The following SRSF3 variants were observed in gnomAD, a reference collection of about 807,000 sequenced individuals.
The protein encoded by SRSF3 is serine and arginine rich splicing factor 3.
For synonymous variants in SRSF3, 87 were observed against 73.6 expected, an observed-to-expected ratio of 1.18 and a Z score of -0.93; for missense variants, 58 against 217.1, an observed-to-expected ratio of 0.27 and a Z score of 4.61.
At chr6:36,601,219 C>G (rs1189770414) in intron 4 of SRSF3, 29 bp downstream of exon 4, 2 of 1,612,230 alleles carry the variant, frequency 1.2e-6, no homozygotes, top group East Asian at 2.2e-5. Flanking sequence ...TGGCTACGTT[C>G]TTAGAAATGG....
intron 4 of SRSF3, 107 bp from the exon 5 acceptor site, chr6:36,601,601 C>T: frequency 1.8e-6 from 2 of 1,105,744 alleles, no homozygotes; most frequent in South Asian, 1.5e-5. Flanking sequence ...GCCTCTGCCT[C>T]CCAAAATATT....
chr6:36,596,924 A>G lies in SRSF3; in HGVS notation c.162A>G (p.Glu54=). The part of the protein sequence containing the change: ...NPPGFAFVEF[E]DPRDAADAVR... Reference sequence around the variant, plus strand: ...CCGGCTTTGCTTTTGTTGAATTTGAAGATCCCCGAGATGCAGCTGATGCAG... The same window carrying G: ...CCGGCTTTGCTTTTGTTGAATTTGAGGATCCCCGAGATGCAGCTGATGCAG... The change falls in exon 2 of 6, where the codon GAA becomes GAG. Residue 54 remains glutamate (E), a synonymous_variant. Coordinates refer to ENST00000373715, the MANE Select transcript of SRSF3 (RefSeq NM_003017.5). 2.5e-6 allele frequency: 4 copies of G among 1,614,024 alleles called. No individual in the cohort carries two copies. The highest frequency in any genetic ancestry group is 3.4e-6 in the Non-Finnish European group (4 of 1,179,998).
chr6:36,599,997 T>G, intron 3 of SRSF3: 2 of 1,274,904 alleles, frequency 1.6e-6, no homozygotes, highest in Non-Finnish European at 2.0e-6. Context: ...TGCTGTTTTC[T>G]CTCAGCCTTC....
Position 36,598,951 on chromosome 6 carries a change from T to C in SRSF3, c.309T>C (p.Asp103=), listed in dbSNP as rs765531034. The change falls in exon 3 of 6, where the codon GAT becomes GAC. Residue 103 remains aspartate, a synonymous_variant. Transcript: ENST00000373715. ...PPSWGRRPRD[D]YRRRSPPPRR... ...CTTGGGGTCGTCGCCCTCGAGATGA[T>C]TATCGTAGGAGGAGTCCTCCACCTC... 2.5e-6 allele frequency: 4 copies of C among 1,614,032 alleles called. No individual in the cohort carries two copies. Among genetic ancestry groups the C allele is most frequent in the Non-Finnish European group, 3.4e-6 (4 of 1,180,026 alleles).
intron 5 of SRSF3, 42 bp downstream of exon 5, chr6:36,601,836 AGT>A: frequency 6.3e-7 from 1 of 1,598,454 alleles, no homozygotes; most frequent in African/African-American, 1.3e-5. Flanking sequence ...TTGCATACAT[AGT>A]ATGCTAAGGC....
intron 1 of SRSF3, 111 bp from the exon 2 acceptor site, chr6:36,596,650 A>T (rs1364886349): frequency 1.2e-4 from 105 of 884,994 alleles, no homozygotes; most frequent in Admixed American, 7.3e-4. Context: ...TTTTTTCTTT[A>T]CGTGCTACCT....
chr6:36,597,709 G>C (rs1778654051), intron 2 of SRSF3, among the ~76,000 whole-genome samples: 1 of 151,496 alleles, frequency 6.6e-6, no homozygotes, highest in African/African-American at 2.4e-5. Flanking sequence ...TTGTAGTAAA[G>C]TTTTCCAGGG....
chr6:36,603,076 A>ATTTTTT lies in SRSF3; in HGVS notation c.*1096_*1101dup, dbSNP rs530711656. On this transcript the variant is annotated 3_prime_UTR_variant, in exon 6 of 6. Transcript: ENST00000373715. ...ATGTCACCTAAGTGATAGTTAACCC[A>ATTTTTT]TTTTTTTTTTTTTTAGGCATAGAAG... 5.4e-6 allele frequency: 1 copy of ATTTTTT among 185,452 alleles called. No individual in the cohort carries two copies. The highest frequency in any genetic ancestry group is 1.1e-5 in the Non-Finnish European group (1 of 91,646). The allele number at this position is 185,452 out of a possible 1,614,324, so 11.5% of individuals were successfully genotyped here.
chr6:36,601,001 CTTTTTTTTTTTTTTT>C (rs775227806), intron 3 of SRSF3, 136 bp from the exon 4 acceptor site: 30 of 86,468 alleles, frequency 3.5e-4, no homozygotes, highest in African/African-American at 7.9e-4. Context: ...TCTTTTTTTT[CTTTTTTTTTTTTTTT>C]TTTTTTTTTT....
At chr6:36,597,246 C>T (rs1283139828) in intron 2 of SRSF3, 6 of 455,442 alleles carry the variant, frequency 1.3e-5, no homozygotes, top group African/African-American at 6.0e-5. Flanking sequence ...ACTGGGACTA[C>T]AGGCGTGTGC....
At chr6:36,597,682 T>C (rs56900755) in intron 2 of SRSF3, among the ~76,000 whole-genome samples, 4,014 of 152,032 alleles carry the variant, frequency 0.026, 60 homozygotes, top group African/African-American at 0.039. Context: ...CATGAAAGGT[T>C]GGTCAATTCA....
intron 1 of SRSF3, among the ~76,000 whole-genome samples, chr6:36,596,004 C>G (rs991824089): frequency 6.6e-6 from 1 of 152,054 alleles, no homozygotes; most frequent in Non-Finnish European, 1.5e-5. Context: ...GGCTCACTGC[C>G]ACCTCCGCCT....
chr6:36,597,882 C>T (rs1327270056), intron 2 of SRSF3, among the ~76,000 whole-genome samples: 2 of 146,140 alleles, frequency 1.4e-5, no homozygotes, highest in East Asian at 4.1e-4. Flanking sequence ...AAAAATAATA[C>T]AGACGACAGT....
At chr6:36,597,325 C>G (rs778623237) in intron 2 of SRSF3, 2 of 249,828 alleles carry the variant, frequency 8.0e-6, no homozygotes, top group Non-Finnish European at 1.6e-5. Context: ...AGGCTGGTCT[C>G]GAACTCCTGA....
In SRSF3 at chr6:36,599,604, A is replaced by G. The variant is rs1016924102; in HGVS notation, c.341+621A>G. The G allele has an allele frequency of 7.4e-5, 26 of 351,738 alleles. No homozygotes were observed. The East Asian group carries it at 8.1e-4, about 11-fold the overall frequency. The allele number at this position is 351,738 out of a possible 1,614,324, so 21.8% of individuals were successfully genotyped here. Reference sequence around the variant, plus strand: ...TCCTCAGACCTCCAAAATAGTTTCTATAGGACTAAATTTACCTCTTACAGG... The same window carrying G: ...TCCTCAGACCTCCAAAATAGTTTCTGTAGGACTAAATTTACCTCTTACAGG... On this transcript the variant is annotated intron_variant, in intron 3 of 5. Coordinates refer to ENST00000373715, the MANE Select transcript of SRSF3 (RefSeq NM_003017.5).
At chr6:36,601,001 C>CTTTTTTTGTTTTTTTTTTTTTTTTTTTT (rs1778703254) in intron 3 of SRSF3, 151 bp from the exon 4 acceptor site, 1 of 86,206 alleles carries the variant, frequency 1.2e-5, no homozygotes, top group African/African-American at 7.2e-5. Context: ...TCTTTTTTTT[C>CTTTTTTTGTTTTTTTTTTTTTTTTTTTT]TTTTTTTTTT....
At position 36,602,338 on chromosome 6, in the gene SRSF3, C is replaced by G. The variant is rs1232687268; in HGVS notation, c.*349C>G. ...TAAATTTAAATACAGAAACAACTGG[C>G]AAAAATTGAACTAAGATTTACTTTT... On this transcript the variant is annotated 3_prime_UTR_variant, in exon 6 of 6. Coordinates refer to ENST00000373715, the MANE Select transcript of SRSF3 (RefSeq NM_003017.5). 2 of 280,816 alleles carry G rather than the reference C, an allele frequency of 7.1e-6. No individual in the cohort carries two copies. Among genetic ancestry groups the G allele is most frequent in the Non-Finnish European group, 1.3e-5 (2 of 151,834 alleles). The allele number at this position is 280,816 out of a possible 1,614,324, so 17.4% of individuals were successfully genotyped here.
rs1778710102 is a variant in SRSF3, at chr6:36,601,183, C to T, written c.373C>T (p.Arg125Trp). 6.2e-7 allele frequency: 1 copy of T among 1,613,240 alleles called. No individual in the cohort carries two copies. The highest frequency in any genetic ancestry group is 8.5e-7 in the Non-Finnish European group (1 of 1,179,804). The change falls in exon 4 of 6, where the codon CGG (arginine) becomes TGG (tryptophan). Residue 125 changes from arginine (R) to tryptophan (W), a missense_variant. Arg to Trp is a moderately radical substitution (Grantham distance 101). Transcript: ENST00000373715. ...AAGAAGGAGAAGCTTCTCTCGCAGC[C>T]GGAGCAGGTAAATGACTACCTTTTT... ...SPRRRSFSRS[R>W]SRSLSRDRRR...
chr6:36,601,653 T>C, intron 4 of SRSF3, 55 bp from the exon 5 acceptor site: 5 of 1,469,108 alleles, frequency 3.4e-6, no homozygotes, highest in Admixed American at 1.8e-5. Flanking sequence ...CAAGAAAATA[T>C]TTATGTATAA....
Sources: gnomAD v4.1 joint callset for allele counts (sites outside exome capture counted in the v4.1 genomes callset) on GRCh38, gnomAD v4.1.1 for gene constraint, MANE v1.5 for transcripts, NCBI Gene and HGNC (gene_info 2026-07-23, HGNC 2026-07-21) for gene names.